The following ZC2HC1B variants were observed in gnomAD, a reference collection of about 807,000 sequenced individuals.
ZC2HC1B encodes the protein zinc finger C2HC-type containing 1B, also known as zinc finger C2HC domain-containing protein 1B.
In ZC2HC1B, 36 loss-of-function variants were observed where a neutral mutation model predicts 31.0. The ratio of observed to expected loss-of-function variants is 1.16; its 90% CI spans 0.89 to 1.54. The LOEUF is 1.54. ZC2HC1B is among the 40% of genes most tolerant of loss of function. The pLI, the probability that ZC2HC1B is intolerant of heterozygous loss-of-function variation, is 0.00. For synonymous variants in ZC2HC1B, 73 were observed against 88.0 expected (o/e 0.83, Z 0.95); for missense variants, 260 against 268.6 (o/e 0.97, Z 0.22).
chr6:143,872,027 C>A lies in ZC2HC1B; in HGVS notation c.28+7460C>A. ...CCCTGGAATCAACATCAGCTCAGAGCCAGTGTCCAGTAGTTTCCGAAATGT... is the reference window on the plus strand; with the variant it reads ...CCCTGGAATCAACATCAGCTCAGAGACAGTGTCCAGTAGTTTCCGAAATGT... On this transcript the variant is annotated intron_variant, in intron 1 of 7. Transcript: ENST00000237275. This position sits in a 1 kb window ranked among gnomAD's most constrained non-coding sequence, Gnocchi z 5.5. 6.7e-6 allele frequency among the ~76,000 whole-genome samples: 1 copy of A among 149,166 alleles called. No homozygotes were observed. Among genetic ancestry groups the A allele is most frequent in the African/African-American group, 2.6e-5 (1 of 38,644 alleles).
chr6:143,905,600 A>G lies in ZC2HC1B; in HGVS notation c.598+2448A>G, dbSNP rs1173943411. Among the ~76,000 whole-genome samples the G allele has an allele frequency of 6.6e-6, 1 of 152,142 alleles. No individual in the cohort carries two copies. Among genetic ancestry groups the G allele is most frequent in the Non-Finnish European group, 1.5e-5 (1 of 68,024 alleles). On this transcript the variant is annotated intron_variant, in intron 6 of 7. Coordinates refer to ENST00000237275, the MANE Select transcript of ZC2HC1B (RefSeq NM_001013623.3). The surrounding 1 kb of genome is among the most constrained non-coding windows in gnomAD (Gnocchi z 4.2). Reference sequence around the variant, plus strand: ...GAACTTCTAGTACTTCATTAAATAGAAGTGGTGAAAATTAGCACACTTGCA... The same window carrying G: ...GAACTTCTAGTACTTCATTAAATAGGAGTGGTGAAAATTAGCACACTTGCA...
In ZC2HC1B at chr6:143,884,870, A is replaced by G. The variant is rs1777511603; in HGVS notation, c.90+505A>G. On this transcript the variant is annotated intron_variant, in intron 2 of 7. Coordinates refer to ENST00000237275, the MANE Select transcript of ZC2HC1B (RefSeq NM_001013623.3). The surrounding 1 kb of genome is among the most constrained non-coding windows in gnomAD (Gnocchi z 5.1). ...TTATACCATTTGAACAAAATGATAC[A>G]TGGATGTAAGTCCTGTTCCAAGATC... 6.6e-6 allele frequency among the ~76,000 whole-genome samples: 1 copy of G among 152,168 alleles called. No homozygotes were observed. Among genetic ancestry groups the G allele is most frequent in the African/African-American group, 2.4e-5 (1 of 41,442 alleles).
chr6:143,873,029 A>G (rs1026855979), intron 1 of ZC2HC1B, among the ~76,000 whole-genome samples: 14 of 152,212 alleles, frequency 9.2e-5, no homozygotes, highest in African/African-American at 2.9e-4. Flanking sequence ...CCAAAGTCTC[A>G]TCTGAAACAA....
Position 143,915,221 on chromosome 6 carries a change from G to A in ZC2HC1B, c.598+12069G>A, listed in dbSNP as rs915938388. ...TCTTATGACAATGAGTAAGTCTCACGAGATCTGATGGTTTTAAAAAGAGGA... is the reference window on the plus strand; with the variant it reads ...TCTTATGACAATGAGTAAGTCTCACAAGATCTGATGGTTTTAAAAAGAGGA... On this transcript the variant is annotated intron_variant, in intron 6 of 7. Transcript: ENST00000237275. This position sits in a 1 kb window ranked among gnomAD's most constrained non-coding sequence, Gnocchi z 5.2. 6.6e-6 allele frequency among the ~76,000 whole-genome samples: 1 copy of A among 152,122 alleles called. No homozygotes were observed. Among genetic ancestry groups the A allele is most frequent in the African/African-American group, 2.4e-5 (1 of 41,424 alleles).
chr6:143,877,284 T>TTTTTTTTTTTTTTTTTTTTTTG (rs1777419486), intron 1 of ZC2HC1B, among the ~76,000 whole-genome samples: 1 of 132,652 alleles, frequency 7.5e-6, no homozygotes, highest in Non-Finnish European at 1.6e-5. Context: ...TTTTTTTTTT[T>TTTTTTTTTTTTTTTTTTTTTTG]TTTTTTTTTT....
intron 1 of ZC2HC1B, among the ~76,000 whole-genome samples, chr6:143,877,272 C>CTTTTTTTTTTTTTTTTTT (rs34994479): frequency 4.7e-5 from 2 of 42,578 alleles, no homozygotes; most frequent in African/African-American, 2.4e-4. Context: ...TTTTTAATTT[C>CTTTTTTTTTTTTTTTTTT]TTTTTTTTTT....
At position 143,884,265 on chromosome 6, in the gene ZC2HC1B, C is replaced by T. The variant is rs946540843; in HGVS notation, c.29-39C>T. The T allele has an allele frequency of 4.7e-6, 7 of 1,491,384 alleles. No homozygotes were observed. The South Asian group carries it at 6.4e-5, about 14-fold the overall frequency. 92.4% of individuals were successfully genotyped at this position (1,491,384 alleles called of 1,614,324 possible). On this transcript the variant is annotated intron_variant, in intron 1 of 7. Transcript: ENST00000237275. This position sits in a 1 kb window ranked among gnomAD's most constrained non-coding sequence, Gnocchi z 5.1. ...GTCATTTCTTCTCAGCGAGGAAATT[C>T]CATGAAACTAACATAATGTGCTCTT...
At position 143,886,449 on chromosome 6, in the gene ZC2HC1B, A is replaced by G. The variant is rs1169821509; in HGVS notation, c.211-234A>G. ...TACATTTGCTTTTCTTTAAAGTTTT[A>G]TAGTTTCTTTATTTTTCTGATTTTT... is the stretch of plus-strand genomic sequence containing the variant. On this transcript the variant is annotated intron_variant, in intron 3 of 7. Transcript: ENST00000237275. This position sits in a 1 kb window ranked among gnomAD's most constrained non-coding sequence, Gnocchi z 4.2. Among the ~76,000 whole-genome samples, 1 of 152,108 alleles carries G rather than the reference A, an allele frequency of 6.6e-6. No individual in the cohort carries two copies. The highest frequency in any genetic ancestry group is 1.5e-5 in the Non-Finnish European group (1 of 68,020).
chr6:143,883,717 T>TC lies in ZC2HC1B; in HGVS notation c.29-586dup, dbSNP rs1462293508. Among the ~76,000 whole-genome samples, 1 of 152,366 alleles carries TC rather than the reference T, an allele frequency of 6.6e-6. No homozygotes were observed. Among genetic ancestry groups the TC allele is most frequent in the Middle Eastern group, 3.4e-3 (1 of 294 alleles). On this transcript the variant is annotated intron_variant, in intron 1 of 7. Coordinates refer to ENST00000237275, the MANE Select transcript of ZC2HC1B (RefSeq NM_001013623.3). This position sits in a 1 kb window ranked among gnomAD's most constrained non-coding sequence, Gnocchi z 4.1. ...CATTAATTTATCTGCATACTTTTTT[T>TC]CTGTGCTGGTCCCATGTATGATTTC...
At chr6:143,879,175 G>A (rs1042582100) in intron 1 of ZC2HC1B, among the ~76,000 whole-genome samples, 5 of 152,198 alleles carry the variant, frequency 3.3e-5, no homozygotes, top group African/African-American at 1.2e-4. Context: ...AGAGTCTGTA[G>A]TGTGAATCTG....
At chr6:143,919,687 G>A (rs541843474) in intron 6 of ZC2HC1B, among the ~76,000 whole-genome samples, 82 of 152,158 alleles carry the variant, frequency 5.4e-4, no homozygotes, top group Non-Finnish European at 9.7e-4. Context: ...GATTGATCCA[G>A]GAATATGTGC....
At chr6:143,900,878 G>A (rs931691419) in intron 5 of ZC2HC1B, among the ~76,000 whole-genome samples, 1 of 152,146 alleles carries the variant, frequency 6.6e-6, no homozygotes, top group African/African-American at 2.4e-5. Context: ...TCACTCTGTT[G>A]CCCAGGCTTG....
Position 143,924,276 on chromosome 6 carries a change from A to G in ZC2HC1B, c.599-13373A>G, listed in dbSNP as rs187020728. On this transcript the variant is annotated intron_variant, in intron 6 of 7. Coordinates refer to ENST00000237275, the MANE Select transcript of ZC2HC1B (RefSeq NM_001013623.3). The surrounding 1 kb of genome is among the most constrained non-coding windows in gnomAD (Gnocchi z 5.2). The stretch of plus-strand genomic sequence containing the variant: ...ACATAGAAATGCTGCTGATTTTTAT[A>G]TGTTGATTTTGTATCCTGCAATTTT... Among the ~76,000 whole-genome samples the G allele has an allele frequency of 2.3e-3, 350 of 151,822 alleles. No homozygotes were observed. Among genetic ancestry groups the G allele is most frequent in the African/African-American group, 8.1e-3 (336 of 41,460 alleles).
chr6:143,911,766 G>A lies in ZC2HC1B; in HGVS notation c.598+8614G>A, dbSNP rs1309277143. ...GTGTCTTGGGGATGATCTTCTCAGG[G>A]AGTATTTTACTGGGGTTCTCCACAT... On this transcript the variant is annotated intron_variant, in intron 6 of 7. Transcript: ENST00000237275. The surrounding 1 kb of genome is among the most constrained non-coding windows in gnomAD (Gnocchi z 4.5). 6.6e-6 allele frequency among the ~76,000 whole-genome samples: 1 copy of A among 152,084 alleles called. No individual in the cohort carries two copies. Among genetic ancestry groups the A allele is most frequent in the Non-Finnish European group, 1.5e-5 (1 of 68,016 alleles).
chr6:143,903,040 G>C lies in ZC2HC1B; in HGVS notation c.490-4G>C. On this transcript the variant is annotated splice_polypyrimidine_tract_variant and splice_region_variant and intron_variant, in intron 5 of 7. Coordinates refer to ENST00000237275, the MANE Select transcript of ZC2HC1B (RefSeq NM_001013623.3). This position sits in a 1 kb window ranked among gnomAD's most constrained non-coding sequence, Gnocchi z 4.3. ...TCTTTGTCTCTTTCTTTCTCTCTCT[G>C]TAGGGTAGGGCTCAGATGGGTCCAA... The C allele has an allele frequency of 1.9e-6, 3 of 1,551,574 alleles. No individual in the cohort carries two copies. The highest frequency in any genetic ancestry group is 1.7e-6 in the Non-Finnish European group (2 of 1,146,910).
At chr6:143,927,099 G>A (rs919723314) in intron 6 of ZC2HC1B, among the ~76,000 whole-genome samples, 22 of 152,004 alleles carry the variant, frequency 1.4e-4, no homozygotes, top group East Asian at 3.9e-4. Flanking sequence ...CGCCCGGCCC[G>A]AATTGTATCT....
chr6:143,879,813 A>T (rs1234041843), intron 1 of ZC2HC1B, among the ~76,000 whole-genome samples: 1 of 142,262 alleles, frequency 7.0e-6, no homozygotes. Context: ...TTCCTGCTCA[A>T]GTTGTCCCTG....
In ZC2HC1B at chr6:143,913,312, C is replaced by T. The variant is rs568931141; in HGVS notation, c.598+10160C>T. On this transcript the variant is annotated intron_variant, in intron 6 of 7. Transcript: ENST00000237275. This position sits in a 1 kb window ranked among gnomAD's most constrained non-coding sequence, Gnocchi z 5.7. Reference sequence around the variant, plus strand: ...CTAGGGAAACCCTTCCTTGTCTGGACGGTTTCGACTCTCCAGAGTCCACAG... The same window carrying T: ...CTAGGGAAACCCTTCCTTGTCTGGATGGTTTCGACTCTCCAGAGTCCACAG... 2.0e-4 allele frequency among the ~76,000 whole-genome samples: 30 copies of T among 152,282 alleles called. No individual in the cohort carries two copies. The highest frequency in any genetic ancestry group is 4.6e-4 in the African/African-American group (19 of 41,564).
Position 143,917,293 on chromosome 6 carries a change from T to C in ZC2HC1B, c.598+14141T>C, listed in dbSNP as rs766702666. ...TGTAAGTCCAATAAACCTCTTTCTTTTGTAAATTGCCCAGTCTTGGATATG... is the reference window on the plus strand; with the variant it reads ...TGTAAGTCCAATAAACCTCTTTCTTCTGTAAATTGCCCAGTCTTGGATATG... On this transcript the variant is annotated intron_variant, in intron 6 of 7. Transcript: ENST00000237275. This position sits in a 1 kb window ranked among gnomAD's most constrained non-coding sequence, Gnocchi z 4.1. Among the ~76,000 whole-genome samples the C allele has an allele frequency of 7.2e-5, 11 of 152,242 alleles. No individual in the cohort carries two copies. The highest frequency in any genetic ancestry group is 1.6e-4 in the Non-Finnish European group (11 of 68,034).
Sources: allele counts gnomAD v4.1 joint callset (sites outside exome capture counted in the v4.1 genomes callset), GRCh38; gene constraint gnomAD v4.1.1; non-coding constraint Gnocchi (gnomAD v3.1); transcripts MANE v1.5; gene names NCBI Gene and HGNC (gene_info 2026-07-23, HGNC 2026-07-21).